The following NEK10 variants were observed in gnomAD, a reference collection of about 807,000 sequenced individuals.
The protein encoded by NEK10 is serine/threonine-protein kinase Nek10.
In NEK10, 122 loss-of-function variants were observed where a neutral mutation model predicts 159.8. That is an observed-to-expected ratio of 0.76 (90% CI 0.66 to 0.89). The LOEUF (loss-of-function observed/expected upper bound fraction) is 0.89, where lower values mean the gene tolerates loss of function less well. Among genes scored for constraint, NEK10 ranks in the 40% least tolerant of loss-of-function variants. The pLI is 0.00. For missense variants in NEK10, 1,342 were observed against 1,323.1 expected (o/e 1.01, Z -0.22); for synonymous variants, 466 against 457.1 (o/e 1.02, Z -0.25).
At chr3:27,197,934 C>T (rs1949706955) in intron 25 of NEK10, among the ~76,000 whole-genome samples, 1 of 151,928 alleles carries the variant, frequency 6.6e-6, no homozygotes, top group Non-Finnish European at 1.5e-5. Flanking sequence ...TTGTCTTGTG[C>T]TGATTTTCAA....
rs142286420 is a variant in NEK10 at position 27,247,734 on chromosome 3, G to A, written c.2090+8562C>T. On this transcript the variant is annotated intron_variant, in intron 23 of 35. Coordinates refer to ENST00000691995, the MANE Select transcript of NEK10 (RefSeq NM_001394966.1). ...GCATTGTTAGTAGAGACAGGGTTTCGCCATGTTGCCCAGGCTGGTCTTAAA... is the reference window on the plus strand; with the variant it reads ...GCATTGTTAGTAGAGACAGGGTTTCACCATGTTGCCCAGGCTGGTCTTAAA... Among the ~76,000 whole-genome samples the A allele has an allele frequency of 5.2e-3, 795 of 151,460 alleles. 4 individuals carry two copies. Among genetic ancestry groups the A allele is most frequent in the Non-Finnish European group, 7.6e-3 (513 of 67,894 alleles).
chr3:27,255,207 C>A (rs1044291168), intron 23 of NEK10: 2 of 282,534 alleles, frequency 7.1e-6, no homozygotes, highest in African/African-American at 2.2e-5. Flanking sequence ...AGTAGGTCAG[C>A]CTTACTGTTA....
intron 30 of NEK10, chr3:27,143,373 T>G (rs1943971278): frequency 1.5e-6 from 1 of 657,228 alleles, no homozygotes; most frequent in South Asian, 1.8e-5. Flanking sequence ...AGTTAAAATC[T>G]CACAACATGG....
intron 14 of NEK10, among the ~76,000 whole-genome samples, chr3:27,296,969 CAT>C (rs1420754923): frequency 2.6e-4 from 39 of 152,278 alleles, no homozygotes; most frequent in African/African-American, 8.2e-4. Context: ...CAATTAACCA[CAT>C]GTCAGTCCTT....
rs118112644 is a variant in NEK10, at chr3:27,267,343, T to C, written c.2015-10972A>G. Among the ~76,000 whole-genome samples, 197 of 152,302 alleles carry C rather than the reference T, an allele frequency of 1.3e-3. 3 individuals carry two copies. Among genetic ancestry groups the C allele is most frequent in the East Asian group, 0.01 (52 of 5,166 alleles). ...CCTAGAGGTAGTAGCTGCTTATATATGTATACCTCATTTTATTGTGCTTCA... is the reference window on the plus strand; with the variant it reads ...CCTAGAGGTAGTAGCTGCTTATATACGTATACCTCATTTTATTGTGCTTCA... On this transcript the variant is annotated intron_variant, in intron 22 of 35. Transcript: ENST00000691995.
chr3:27,231,384 T>C (rs1187495363), intron 23 of NEK10, among the ~76,000 whole-genome samples: 2 of 152,046 alleles, frequency 1.3e-5, no homozygotes, highest in East Asian at 3.9e-4. Context: ...TAAATGCCTA[T>C]ATCAAAAAGT....
At chr3:27,249,106 T>C (rs897305002) in intron 23 of NEK10, among the ~76,000 whole-genome samples, 4 of 152,200 alleles carry the variant, frequency 2.6e-5, no homozygotes, top group South Asian at 2.1e-4. Context: ...GTTCTCATGA[T>C]AGTGAATTCT....
chr3:27,112,975 G>A (rs1164400820), intron 35 of NEK10, among the ~76,000 whole-genome samples: 1 of 152,236 alleles, frequency 6.6e-6, no homozygotes, highest in Non-Finnish European at 1.5e-5. Flanking sequence ...GTTATTCACA[G>A]TTTGTGGATT....
At chr3:27,352,399 A>T in intron 3 of NEK10, 66 bp downstream of exon 3, 1 of 1,005,930 alleles carries the variant, frequency 9.9e-7, no homozygotes, top group Middle Eastern at 2.0e-4. Flanking sequence ...GATATGTTAA[A>T]TGGAGCCCTT....
intron 29 of NEK10, among the ~76,000 whole-genome samples, chr3:27,167,336 C>A (rs1946576117): frequency 6.6e-6 from 1 of 152,042 alleles, no homozygotes; most frequent in Non-Finnish European, 1.5e-5. Context: ...ATACACTGTG[C>A]CCTGGAGAAT....
intron 9 of NEK10, chr3:27,310,005 T>C (rs1377751198): frequency 6.6e-6 from 1 of 152,150 alleles, no homozygotes; most frequent in Non-Finnish European, 1.5e-5. Context: ...GGAGTGCCCC[T>C]GAAAAGTGCC....
intron 15 of NEK10, among the ~76,000 whole-genome samples, chr3:27,295,368 G>T (rs902839094): frequency 6.6e-6 from 1 of 152,080 alleles, no homozygotes; most frequent in African/African-American, 2.4e-5. Context: ...AGAACTTATT[G>T]ATAAGCAAAG....
intron 7 of NEK10, among the ~76,000 whole-genome samples, chr3:27,313,346 T>C (rs986601095): frequency 6.6e-6 from 1 of 152,156 alleles, no homozygotes; most frequent in African/African-American, 2.4e-5. Context: ...GCTCAGTATA[T>C]ATATTCACTT....
intron 22 of NEK10, among the ~76,000 whole-genome samples, chr3:27,277,434 G>A (rs145743988): frequency 1.7e-3 from 257 of 152,204 alleles, no homozygotes; most frequent in Middle Eastern, 6.8e-3. Flanking sequence ...TCCCTCACCT[G>A]CCATTTTAAT....
chr3:27,264,148 A>T (rs1369906644), intron 22 of NEK10, among the ~76,000 whole-genome samples: 2 of 152,190 alleles, frequency 1.3e-5, no homozygotes, highest in Non-Finnish European at 2.9e-5. Context: ...AAAGCCCCAA[A>T]TCTCACCAAG....
intron 32 of NEK10, among the ~76,000 whole-genome samples, chr3:27,127,432 A>G (rs1942097928): frequency 6.6e-6 from 1 of 152,190 alleles, no homozygotes; most frequent in Non-Finnish European, 1.5e-5. Context: ...AAAACTAGAT[A>G]GTACATCCTA....
intron 5 of NEK10, among the ~76,000 whole-genome samples, chr3:27,331,239 A>AT: frequency 4.6e-5 from 2 of 43,120 alleles, no homozygotes; most frequent in Non-Finnish European, 9.2e-5. Context: ...CTCTGTCTCA[A>AT]AAAAAAAAAA....
At chr3:27,359,838 G>A (rs1318311832) in intron 1 of NEK10, among the ~76,000 whole-genome samples, 1 of 152,190 alleles carries the variant, frequency 6.6e-6, no homozygotes, top group African/African-American at 2.4e-5. Flanking sequence ...AGCAGTTTAT[G>A]TAGTTAAAGT....
intron 23 of NEK10, among the ~76,000 whole-genome samples, chr3:27,210,159 T>C (rs1031578423): frequency 6.6e-6 from 1 of 152,168 alleles, no homozygotes; most frequent in African/African-American, 2.4e-5. Context: ...ACTAGACAAT[T>C]TATAAAGAAA....
Sources: allele counts gnomAD v4.1 joint callset (sites outside exome capture counted in the v4.1 genomes callset), GRCh38; gene constraint gnomAD v4.1.1; transcripts MANE v1.5; gene names NCBI Gene and HGNC (gene_info 2026-07-23, HGNC 2026-07-21).